SPOCK3: variants seen among roughly 807,000 people sequenced by gnomAD.
The protein encoded by SPOCK3 is testican-3.
SPOCK3 carries 30 observed loss-of-function variants against 56.6 expected under a neutral mutation model. The ratio of observed to expected loss-of-function variants is 0.53; its 90% CI spans 0.40 to 0.72. The LOEUF is 0.72. Among genes scored for constraint, SPOCK3 ranks in the 30% least tolerant of loss-of-function variants. The probability of loss-of-function intolerance (pLI) is 0.00; values close to 1 mark genes in which losing one functional copy is unlikely to be tolerated. For missense variants in SPOCK3, 527 were observed against 530.0 expected (o/e 0.99, Z 0.06); for synonymous variants, 196 against 183.3 (o/e 1.07, Z -0.56).
chr4:167,125,245 T>C (rs765705148), intron 2 of SPOCK3, among the ~76,000 whole-genome samples: 1 of 148,994 alleles, frequency 6.7e-6, no homozygotes, highest in Admixed American at 6.7e-5. Context: ...TTATTTTTAT[T>C]TTTTGGCTGG....
intron 2 of SPOCK3, among the ~76,000 whole-genome samples, chr4:167,160,988 G>A (rs1361221101): frequency 6.6e-6 from 1 of 152,078 alleles, no homozygotes; most frequent in Non-Finnish European, 1.5e-5. Context: ...GCATGGGCAA[G>A]GACTTCATGT....
intron 4 of SPOCK3, among the ~76,000 whole-genome samples, chr4:166,913,530 A>G (rs1279258264): frequency 6.6e-6 from 1 of 152,210 alleles, no homozygotes; most frequent in Non-Finnish European, 1.5e-5. Flanking sequence ...ATATTCATTT[A>G]TTACAACTGC....
At chr4:166,926,820 C>A (rs1739161812) in intron 4 of SPOCK3, among the ~76,000 whole-genome samples, 2 of 152,090 alleles carry the variant, frequency 1.3e-5, no homozygotes, top group Non-Finnish European at 2.9e-5. Context: ...GCAAAAAGGA[C>A]CCTCTGAAAT....
At chr4:166,862,827 A>G (rs892592382) in intron 6 of SPOCK3, among the ~76,000 whole-genome samples, 3 of 152,066 alleles carry the variant, frequency 2.0e-5, no homozygotes, top group Admixed American at 2.0e-4. Flanking sequence ...TTTTATTTGT[A>G]TTATCATTTA....
At chr4:167,075,189 T>C (rs1757066977) in intron 2 of SPOCK3, among the ~76,000 whole-genome samples, 1 of 151,810 alleles carries the variant, frequency 6.6e-6, no homozygotes, top group Non-Finnish European at 1.5e-5. Flanking sequence ...TTCCAATGGA[T>C]TATGGAACAA....
intron 6 of SPOCK3, among the ~76,000 whole-genome samples, chr4:166,812,714 G>T (rs1394513441): frequency 6.6e-6 from 1 of 151,772 alleles, no homozygotes; most frequent in African/African-American, 2.4e-5. Context: ...TCTACTTTGG[G>T]ATATACTTCC....
At chr4:167,067,620 A>T (rs1756286850) in intron 2 of SPOCK3, among the ~76,000 whole-genome samples, 1 of 151,814 alleles carries the variant, frequency 6.6e-6, no homozygotes, top group South Asian at 2.1e-4. Flanking sequence ...TCTGATGTCA[A>T]ACTATCCAGG....
chr4:167,038,326 T>C (rs1752942577), intron 3 of SPOCK3, among the ~76,000 whole-genome samples: 1 of 152,214 alleles, frequency 6.6e-6, no homozygotes, highest in South Asian at 2.1e-4. Flanking sequence ...TAAAGAAATT[T>C]ATGTTTACGG....
At chr4:166,791,049 G>C (rs1741294004) in intron 7 of SPOCK3, among the ~76,000 whole-genome samples, 1 of 152,032 alleles carries the variant, frequency 6.6e-6, no homozygotes, top group South Asian at 2.1e-4. Flanking sequence ...ATAAGCCTGA[G>C]GAACTCTTCT....
intron 3 of SPOCK3, among the ~76,000 whole-genome samples, chr4:167,026,667 C>T (rs1352577543): frequency 6.6e-6 from 1 of 151,914 alleles, no homozygotes; most frequent in Non-Finnish European, 1.5e-5. Context: ...AAAATTTCTA[C>T]AAATTAATTG....
intron 3 of SPOCK3, among the ~76,000 whole-genome samples, chr4:167,026,362 A>C (rs1166222577): frequency 6.6e-6 from 1 of 152,084 alleles, no homozygotes; most frequent in Non-Finnish European, 1.5e-5. Context: ...AGGTATGGGC[A>C]TCTTTACTAA....
intron 2 of SPOCK3, among the ~76,000 whole-genome samples, chr4:167,226,614 A>C (rs1276881955): frequency 6.6e-6 from 1 of 152,126 alleles, no homozygotes; most frequent in Non-Finnish European, 1.5e-5. Context: ...ATTAAAGATT[A>C]AATTTCCCAG....
intron 5 of SPOCK3, among the ~76,000 whole-genome samples, chr4:166,910,746 C>G (rs1001157238): frequency 2.0e-5 from 3 of 152,118 alleles, no homozygotes; most frequent in African/African-American, 7.2e-5. Context: ...TGATGACACC[C>G]TAGGCACAAA....
At chr4:166,798,166 GTATT>G (rs66538164) in intron 6 of SPOCK3, among the ~76,000 whole-genome samples, 29 of 152,182 alleles carry the variant, frequency 1.9e-4, no homozygotes, top group Non-Finnish European at 3.2e-4. Flanking sequence ...AGTGATTTAT[GTATT>G]TATTATACTC....
chr4:166,843,534 GA>G (rs1327800775), intron 6 of SPOCK3, among the ~76,000 whole-genome samples: 1 of 152,010 alleles, frequency 6.6e-6, no homozygotes, highest in East Asian at 1.9e-4. Context: ...TACTCGTCTT[GA>G]AAAAATAAGC....
intron 3 of SPOCK3, among the ~76,000 whole-genome samples, chr4:167,040,016 C>T (rs566421937): frequency 9.2e-5 from 14 of 152,218 alleles, no homozygotes; most frequent in Middle Eastern, 6.8e-3. Context: ...TTTTGCAGAA[C>T]GACTAAGTTG....
In SPOCK3 at chr4:167,083,224, A is replaced by G. The variant is rs777806973; in HGVS notation, c.190-20687T>C. ...TGCCACAAAATTTCTGTCGACACCC[A>G]ACCCAAAGCAAACCTCTACTTCCTC... On this transcript the variant is annotated intron_variant, in intron 2 of 10. Transcript: ENST00000357545. 7.8e-6 allele frequency: 6 copies of G among 765,360 alleles called. 1 individual carries two copies. In the South Asian group the frequency reaches 8.0e-5, roughly 10 times the overall value. The allele number at this position is 765,360 out of a possible 1,614,324, so 47.4% of individuals were successfully genotyped here. A position where few individuals can be genotyped will look rare whatever the true frequency, so the allele number is the denominator to read the frequency against.
At chr4:166,839,129 T>C (rs1372363419) in intron 6 of SPOCK3, among the ~76,000 whole-genome samples, 1 of 152,180 alleles carries the variant, frequency 6.6e-6, no homozygotes, top group East Asian at 1.9e-4. Flanking sequence ...ACTCTGGATC[T>C]GATTCATAGT....
intron 6 of SPOCK3, among the ~76,000 whole-genome samples, chr4:166,800,187 A>G (rs1461119854): frequency 1.7e-5 from 2 of 117,894 alleles, no homozygotes; most frequent in East Asian, 2.0e-4. Context: ...ATCTCAGAAA[A>G]AAAAAAAAAA....
Sources: gnomAD v4.1 joint callset for allele counts (sites outside exome capture counted in the v4.1 genomes callset) on GRCh38, gnomAD v4.1.1 for gene constraint, MANE v1.5 for transcripts, NCBI Gene and HGNC (gene_info 2026-07-23, HGNC 2026-07-21) for gene names.